Variants in CPPED1 observed in about 807,000 individuals in gnomAD.
CPPED1 encodes calcineurin like phosphoesterase domain containing 1.
Under a neutral mutation model 28.0 loss-of-function variants are expected in CPPED1, and 28 were observed. The ratio of observed to expected loss-of-function variants is 1.00; its 90% CI spans 0.74 to 1.37. The LOEUF is 1.37. Among genes scored for constraint, CPPED1 ranks in the 40% most tolerant of loss-of-function variants. CPPED1 has a pLI of 0.00. For missense variants in CPPED1, 504 were observed against 416.5 expected, an observed-to-expected ratio of 1.21 and a Z score of -1.83; for synonymous variants, 198 against 180.2, an observed-to-expected ratio of 1.10 and a Z score of -0.79.
At chr16:12,716,660 T>C (rs993230000) in intron 2 of CPPED1, among the ~76,000 whole-genome samples, 3 of 152,242 alleles carry the variant, frequency 2.0e-5, no homozygotes, top group African/African-American at 7.2e-5. Flanking sequence ...ACTCCATATA[T>C]AGATACTGCT....
rs1215039038 is a variant in CPPED1 at position 12,662,163 on chromosome 16, T to C, written c.*2723A>G. On this transcript the variant is annotated 3_prime_UTR_variant, in exon 4 of 4. Coordinates refer to ENST00000381774, the MANE Select transcript of CPPED1 (RefSeq NM_018340.3). ...TAGCACTTAGAATCAGGAAGTCCTT[T>C]TATCGTTTTTCACAGTATAAGGCAC... 1.3e-5 allele frequency: 2 copies of C among 152,236 alleles called. No homozygotes were observed. Among genetic ancestry groups the C allele is most frequent in the East Asian group, 3.8e-4 (2 of 5,206 alleles). The allele number at this position is 152,236 out of a possible 1,614,324, so 9.4% of individuals were successfully genotyped here.
chr16:12,769,220 G>A (rs2080456269), intron 2 of CPPED1, among the ~76,000 whole-genome samples: 1 of 151,568 alleles, frequency 6.6e-6, no homozygotes. Context: ...CTATTAGACT[G>A]TGTTATATAA....
chr16:12,742,374 G>C (rs1439585537), intron 2 of CPPED1, among the ~76,000 whole-genome samples: 2 of 152,170 alleles, frequency 1.3e-5, no homozygotes, highest in African/African-American at 4.8e-5. Context: ...GAGGAAGGTA[G>C]AAAATTCCTA....
At chr16:12,745,158 A>C (rs1385584630) in intron 2 of CPPED1, among the ~76,000 whole-genome samples, 1 of 151,642 alleles carries the variant, frequency 6.6e-6, no homozygotes, top group Non-Finnish European at 1.5e-5. Context: ...ATAAGTGTGC[A>C]ACAGAAATCC....
chr16:12,707,847 A>G (rs2080059680), intron 2 of CPPED1, among the ~76,000 whole-genome samples: 1 of 152,042 alleles, frequency 6.6e-6, no homozygotes, highest in South Asian at 2.1e-4. Context: ...AATTTCCTTC[A>G]GCAAAAATGA....
rs771651032 is a variant in CPPED1 at position 12,792,338 on chromosome 16, T to C, written c.71-10935A>G. On this transcript the variant is annotated intron_variant, in intron 1 of 3. Transcript: ENST00000381774. The stretch of plus-strand genomic sequence containing the variant: ...GATGATTCTGACACATAACAATGTC[T>C]ACAGACATTTTGAGGTATCACACTG... Among the ~76,000 whole-genome samples, 112 of 152,232 alleles carry C rather than the reference T, an allele frequency of 7.4e-4. 1 individual carries two copies. Among genetic ancestry groups the C allele is most frequent in the South Asian group, 1.0e-3 (5 of 4,826 alleles).
At chr16:12,750,513 CTATTA>C (rs2080320646) in intron 2 of CPPED1, among the ~76,000 whole-genome samples, 1 of 152,182 alleles carries the variant, frequency 6.6e-6, no homozygotes, top group African/African-American at 2.4e-5. Context: ...ACCCATTTAT[CTATTA>C]TATTTGCCAC....
At chr16:12,679,277 G>C (rs952322490) in intron 3 of CPPED1, among the ~76,000 whole-genome samples, 2 of 152,192 alleles carry the variant, frequency 1.3e-5, no homozygotes, top group African/African-American at 4.8e-5. Flanking sequence ...TGTGTGTAAA[G>C]AGTAGGTGGA....
chr16:12,736,364 C>T (rs548151302), intron 2 of CPPED1, among the ~76,000 whole-genome samples: 1 of 151,930 alleles, frequency 6.6e-6, no homozygotes, highest in South Asian at 2.1e-4. Flanking sequence ...TCATACCTCC[C>T]GGGTAGCTAA....
chr16:12,764,189 A>G (rs1458902047), intron 2 of CPPED1, among the ~76,000 whole-genome samples: 1 of 139,504 alleles, frequency 7.2e-6, no homozygotes, highest in Non-Finnish European at 1.5e-5. Context: ...ACCTTTTGGT[A>G]CTGTTTGATT....
intron 2 of CPPED1, among the ~76,000 whole-genome samples, chr16:12,723,456 T>C (rs140498316): frequency 1.9e-4 from 29 of 152,258 alleles, no homozygotes; most frequent in African/African-American, 6.5e-4. Flanking sequence ...TCAGCCTGAC[T>C]GGAGTTGTTA....
chr16:12,752,365 T>C (rs1471577621), intron 2 of CPPED1, among the ~76,000 whole-genome samples: 4 of 152,064 alleles, frequency 2.6e-5, no homozygotes, highest in Non-Finnish European at 4.4e-5. Context: ...GAAACTCTTA[T>C]GTTATCTCCT....
rs142909695 is a variant in CPPED1 at position 12,776,283 on chromosome 16, G to A, written c.289+4902C>T. 1.4e-3 allele frequency among the ~76,000 whole-genome samples: 214 copies of A among 152,272 alleles called. 3 individuals are homozygous for A. The highest frequency in any genetic ancestry group is 4.7e-3 in the African/African-American group (196 of 41,560). On this transcript the variant is annotated intron_variant, in intron 2 of 3. Coordinates refer to ENST00000381774, the MANE Select transcript of CPPED1 (RefSeq NM_018340.3). ...CTGGAACCCCTAGAAGGAACACACC[G>A]CTGCAGGTTCTTGTTGGACTTCTGA...
At chr16:12,674,480 G>A (rs1362157615) in intron 3 of CPPED1, among the ~76,000 whole-genome samples, 4 of 152,146 alleles carry the variant, frequency 2.6e-5, no homozygotes, top group Non-Finnish European at 5.9e-5. Flanking sequence ...AGGGAGGCCC[G>A]GAAGTTCTGA....
chr16:12,736,073 G>C (rs2080225292), intron 2 of CPPED1, among the ~76,000 whole-genome samples: 1 of 152,090 alleles, frequency 6.6e-6, no homozygotes, highest in South Asian at 2.1e-4. Flanking sequence ...TGGCACTTCT[G>C]TATTCTGTTC....
rs968411780 is a variant in CPPED1, at chr16:12,664,247, T to C, written c.*639A>G. 3.9e-6 allele frequency: 2 copies of C among 514,254 alleles called. No individual in the cohort carries two copies. The highest frequency in any genetic ancestry group is 9.7e-4 in the Middle Eastern group (1 of 1,036). 31.9% of individuals were successfully genotyped at this position (514,254 alleles called of 1,614,324 possible). A position where few individuals can be genotyped will look rare whatever the true frequency, so the allele number is the denominator to read the frequency against. ...AATTTATGTGCAAAGGTGACTTTTC[T>C]AGGCACCCAGGAAGGCAAATTTAAG... On this transcript the variant is annotated 3_prime_UTR_variant, in exon 4 of 4. Coordinates refer to ENST00000381774, the MANE Select transcript of CPPED1 (RefSeq NM_018340.3). The surrounding 1 kb of genome is among the most constrained non-coding windows in gnomAD (Gnocchi z 4.2).
intron 2 of CPPED1, among the ~76,000 whole-genome samples, chr16:12,780,509 C>T (rs1004759319): frequency 2.0e-5 from 3 of 152,138 alleles, no homozygotes; most frequent in African/African-American, 7.2e-5. Flanking sequence ...GAATAAGGCA[C>T]TTTCTTTCTG....
chr16:12,713,729 G>T (rs759875543), intron 2 of CPPED1, among the ~76,000 whole-genome samples: 97 of 151,660 alleles, frequency 6.4e-4, no homozygotes, highest in Non-Finnish European at 1.1e-3. Context: ...CATTATTGCT[G>T]CCCCCAGGAG....
chr16:12,668,898 C>T (rs1390377680), intron 3 of CPPED1, among the ~76,000 whole-genome samples: 1 of 152,216 alleles, frequency 6.6e-6, no homozygotes, highest in Non-Finnish European at 1.5e-5. Context: ...TAAAATGGTA[C>T]AGTTCTTTTG....
Sources: gnomAD v4.1 joint callset for allele counts (sites outside exome capture counted in the v4.1 genomes callset) on GRCh38, gnomAD v4.1.1 for gene constraint, Gnocchi (gnomAD v3.1) non-coding constraint, MANE v1.5 for transcripts, NCBI Gene and HGNC (gene_info 2026-07-23, HGNC 2026-07-21) for gene names.